The following THADA variants were observed in gnomAD, a reference collection of about 807,000 sequenced individuals.
THADA encodes the protein THADA armadillo repeat containing.
In THADA, 213 loss-of-function variants were observed where a neutral mutation model predicts 219.8. The ratio of observed to expected loss-of-function variants is 0.97; its 90% confidence interval spans 0.87 to 1.09. The LOEUF (loss-of-function observed/expected upper bound fraction) is 1.09, where lower values mean the gene tolerates loss of function less well. Among genes scored for constraint, THADA ranks in the 50% least tolerant of loss-of-function variants. The pLI is 0.00. For synonymous variants in THADA, 1,018 were observed against 828.9 expected (o/e 1.23, Z -3.92); for missense variants, 2,956 against 2,311.3 (o/e 1.28, Z -5.72).
intron 22 of THADA, among the ~76,000 whole-genome samples, chr2:43,512,884 T>C (rs1690674394): frequency 6.6e-6 from 1 of 152,242 alleles, no homozygotes; most frequent in Non-Finnish European, 1.5e-5. Flanking sequence ...TGGATGTCTA[T>C]TACACGTCTG....
intron 22 of THADA, among the ~76,000 whole-genome samples, chr2:43,523,596 G>C (rs1418326804): frequency 1.3e-5 from 2 of 152,010 alleles, no homozygotes; most frequent in African/African-American, 2.4e-5. Flanking sequence ...TTTGAATCAT[G>C]GTAGCTATAA....
intron 28 of THADA, among the ~76,000 whole-genome samples, chr2:43,416,306 T>C (rs1676961445): frequency 6.6e-6 from 1 of 152,234 alleles, no homozygotes; most frequent in Non-Finnish European, 1.5e-5. Flanking sequence ...ACAATTCAAC[T>C]TTTCCTGGGC....
rs758840453 is a variant in THADA at position 43,556,520 on chromosome 2, T to C, written c.2499A>G (p.Ala833=). The C allele has an allele frequency of 3.7e-6, 6 of 1,613,744 alleles. No individual in the cohort carries two copies. The highest frequency in any genetic ancestry group is 3.4e-6 in the Non-Finnish European group (4 of 1,179,806). Residue 833 remains alanine, a synonymous_variant, in exon 17 of 38, where the codon GCA becomes GCG. Transcript: ENST00000405975. ...GTTTGGTGCTTGTGCTGAGCTCCAA[T>C]GCTGCCTGAAATAAGCCTTGCAGTT... is the stretch of plus-strand genomic sequence containing the variant. ...SGKLQGLFQA[A]LELSTSTKPY... is the part of the protein sequence containing the mutation.
intron 26 of THADA, among the ~76,000 whole-genome samples, chr2:43,432,243 G>A (rs1208350253): frequency 6.6e-6 from 1 of 152,094 alleles, no homozygotes; most frequent in Non-Finnish European, 1.5e-5. Flanking sequence ...GCCCACCTCA[G>A]CCTCCCAAAG....
chr2:43,231,381 G>T, intron 37 of THADA, 38 bp from the exon 38 acceptor site: 1 of 1,475,982 alleles, frequency 6.8e-7, no homozygotes, highest in East Asian at 2.4e-5. Context: ...AGTCTTACAG[G>T]GAATGGTGAC....
intron 26 of THADA, among the ~76,000 whole-genome samples, chr2:43,454,484 C>G (rs1395048152): frequency 6.6e-6 from 1 of 151,980 alleles, no homozygotes; most frequent in East Asian, 1.9e-4. Context: ...AGCCTGTAGT[C>G]CCAGCTACTT....
intron 26 of THADA, among the ~76,000 whole-genome samples, chr2:43,455,044 T>C (rs1213738098): frequency 6.6e-6 from 1 of 152,174 alleles, no homozygotes; most frequent in Non-Finnish European, 1.5e-5. Context: ...CTTAAGCTAC[T>C]TGATAATTTT....
At chr2:43,497,369 A>T (rs911128685) in intron 25 of THADA, among the ~76,000 whole-genome samples, 1 of 152,238 alleles carries the variant, frequency 6.6e-6, no homozygotes, top group African/African-American at 2.4e-5. Context: ...AAAAGGAATG[A>T]GATCATGTCC....
intron 28 of THADA, among the ~76,000 whole-genome samples, chr2:43,420,472 C>T (rs1330643664): frequency 6.6e-6 from 1 of 152,156 alleles, no homozygotes; most frequent in East Asian, 1.9e-4. Context: ...CAGCAATAGG[C>T]CATAGATTAT....
At chr2:43,288,269 T>C (rs1674281373) in intron 34 of THADA, among the ~76,000 whole-genome samples, 1 of 152,108 alleles carries the variant, frequency 6.6e-6, no homozygotes, top group African/African-American at 2.4e-5. Context: ...TACACAAAAA[T>C]TAGCTGGACA....
At chr2:43,272,073 AGATTGGAATGATATGAAG>A (rs1230118649) in intron 36 of THADA, among the ~76,000 whole-genome samples, 1 of 152,208 alleles carries the variant, frequency 6.6e-6, no homozygotes, top group Non-Finnish European at 1.5e-5. Flanking sequence ...ACTGAAGCTG[AGATTGGAATGATATGAAG>A]GAGTCAGCCA....
intron 23 of THADA, among the ~76,000 whole-genome samples, chr2:43,506,995 A>G (rs1438326491): frequency 1.3e-5 from 2 of 152,254 alleles, no homozygotes; most frequent in East Asian, 3.8e-4. Flanking sequence ...CTTTATGTCT[A>G]TATTGAAAAT....
intron 24 of THADA, among the ~76,000 whole-genome samples, chr2:43,501,330 AAAAAAAAAAG>A (rs1278032025): frequency 0.015 from 2,168 of 143,366 alleles, 50 homozygotes; most frequent in African/African-American, 0.039. Context: ...AAAAAAAAAA[AAAAAAAAAAG>A]AGAGACTTTT....
At chr2:43,389,570 A>G (rs1168118658) in intron 29 of THADA, among the ~76,000 whole-genome samples, 2 of 152,348 alleles carry the variant, frequency 1.3e-5, no homozygotes, top group East Asian at 3.9e-4. Flanking sequence ...ACAGGCCTAC[A>G]GAGCCCAAAC....
At chr2:43,508,598 T>C in intron 23 of THADA, 50 bp downstream of exon 23, 1 of 1,586,196 alleles carries the variant, frequency 6.3e-7, no homozygotes, top group Non-Finnish European at 8.6e-7. Context: ...GGATACACTA[T>C]CATCAAAAGA....
chr2:43,468,326 C>A (rs550230537), intron 26 of THADA, among the ~76,000 whole-genome samples: 1 of 152,106 alleles, frequency 6.6e-6, no homozygotes, highest in African/African-American at 2.4e-5. Flanking sequence ...GGTTTTTGCA[C>A]AAATATTAAT....
intron 29 of THADA, among the ~76,000 whole-genome samples, chr2:43,387,564 G>A (rs563371904): frequency 4.0e-4 from 60 of 150,742 alleles, no homozygotes; most frequent in Admixed American, 9.8e-4. Flanking sequence ...TGGTATTTAA[G>A]AGCTGTATCA....
chr2:43,407,952 A>G (rs1005108795), intron 28 of THADA, among the ~76,000 whole-genome samples: 4 of 152,212 alleles, frequency 2.6e-5, no homozygotes, highest in East Asian at 3.8e-4. Context: ...TGAATGAGGA[A>G]ACCTTTGTAG....
At position 43,286,896 on chromosome 2, in the gene THADA, C is replaced by A. The variant is rs369873986; in HGVS notation, c.5164+12G>T. 9.3e-6 allele frequency: 15 copies of A among 1,606,272 alleles called. No individual in the cohort carries two copies. The South Asian group carries it at 1.5e-4, about 17-fold the overall frequency. ...AGTTTGGTACAACAGACTTCCGTCT[C>A]GGCGCACTTACCAAGAATAGGATGG... On this transcript the variant is annotated intron_variant, in intron 35 of 37. Transcript: ENST00000405975.
Sources: allele counts gnomAD v4.1 joint callset (sites outside exome capture counted in the v4.1 genomes callset), GRCh38; gene constraint gnomAD v4.1.1; transcripts MANE v1.5; gene names NCBI Gene and HGNC (gene_info 2026-07-23, HGNC 2026-07-21).